The following HGS variants were observed in gnomAD, a reference collection of about 807,000 sequenced individuals.
HGS encodes the protein human growth factor-regulated tyrosine kinase substrate.
A neutral mutation model predicts 109.7 loss-of-function variants in HGS; 63 were observed. The ratio of observed to expected loss-of-function variants is 0.57; its 90% confidence interval spans 0.47 to 0.71. The LOEUF is 0.71. HGS is among the 30% of genes least tolerant of loss of function. HGS has a pLI of 0.00. For missense variants in HGS, 995 were observed against 1,068.3 expected, an observed-to-expected ratio of 0.93 and a Z score of 0.96; for synonymous variants, 546 against 437.3, an observed-to-expected ratio of 1.25 and a Z score of -3.10.
rs775940039 is a variant in HGS, at chr17:81,693,547, A to C, written c.707A>C (p.Glu236Ala). ...ACTTCCACCACTGAGCTGCCCCCCGAGTACCTGACCAGCCCCCTGTCTCAG... is the reference window on the plus strand; with the variant it reads ...ACTTCCACCACTGAGCTGCCCCCCGCGTACCTGACCAGCCCCCTGTCTCAG... The part of the protein sequence containing the change: ...KATSTTELPP[E>A]YLTSPLSQQS... The change falls in exon 9 of 22, where the codon GAG becomes GCG. Residue 236 changes from glutamate (E) to alanine (A), a missense_variant. Physicochemically the swap from Glu to Ala is moderately radical, Grantham distance 107 (BLOSUM62 -1). Coordinates refer to ENST00000329138, the MANE Select transcript of HGS (RefSeq NM_004712.5). 1.7e-5 allele frequency: 27 copies of C among 1,612,690 alleles called. No individual in the cohort carries two copies. The Middle Eastern group carries it at 1.8e-3, about 108-fold the overall frequency.
At chr17:81,685,800 T>C (rs994586629) in intron 2 of HGS, 111 bp downstream of exon 2, 7 of 715,528 alleles carry the variant, frequency 9.8e-6, no homozygotes, top group African/African-American at 5.3e-5. Flanking sequence ...TAGGCTCTTA[T>C]GTGGAGAACT....
intron 18 of HGS, 38 bp downstream of exon 18, chr17:81,697,036 C>T (rs1230581147): frequency 6.6e-7 from 1 of 1,504,202 alleles, no homozygotes; most frequent in Non-Finnish European, 8.9e-7. Flanking sequence ...GCCTTTTATC[C>T]CTCGTCTTTA....
Position 81,696,910 on chromosome 17 carries a change from G to A in HGS, c.1794G>A (p.Ser598=), listed in dbSNP as rs748519246. ...SFPSTFSPAG[S]VEGSPMHGVY... The stretch of plus-strand genomic sequence containing the variant: ...CCAGCACCTTCAGCCCTGCCGGCTC[G>A]GTGGAGGGCTCCCCAATGCACGGCG... Residue 598 remains serine (S), a synonymous_variant, in exon 18 of 22, where the codon TCG becomes TCA. Coordinates refer to ENST00000329138, the MANE Select transcript of HGS (RefSeq NM_004712.5). The A allele has an allele frequency of 4.9e-5, 79 of 1,608,682 alleles. No individual in the cohort carries two copies. Among genetic ancestry groups the A allele is most frequent in the African/African-American group, 6.7e-5 (5 of 74,920 alleles).
At chr17:81,684,972 T>A in intron 1 of HGS, 9 of 985,330 alleles carry the variant, frequency 9.1e-6, no homozygotes, top group Non-Finnish European at 1.1e-5. Flanking sequence ...GCTTGTTAGA[T>A]CGTTTCTGTA....
Position 81,688,330 on chromosome 17 carries a change from G to A in HGS, c.292-374G>A, listed in dbSNP as rs528591129. Among the ~76,000 whole-genome samples, 11 of 151,942 alleles carry A rather than the reference G, an allele frequency of 7.2e-5. No homozygotes were observed. The South Asian group carries it at 1.0e-3, about 14-fold the overall frequency. On this transcript the variant is annotated intron_variant, in intron 4 of 21. Coordinates refer to ENST00000329138, the MANE Select transcript of HGS (RefSeq NM_004712.5). ...GAAGGAGGGGCGTGGCCAGAGCCCCGCAGTACCCCTGTGTTCTCAGCCCCA... is the reference window on the plus strand; with the variant it reads ...GAAGGAGGGGCGTGGCCAGAGCCCCACAGTACCCCTGTGTTCTCAGCCCCA...
Position 81,695,726 on chromosome 17 carries a change from C to T in HGS, c.1180-60C>T, listed in dbSNP as rs563624670. 10 of 1,530,644 alleles carry T rather than the reference C, an allele frequency of 6.5e-6. No individual in the cohort carries two copies. In the South Asian group the frequency reaches 1.0e-4, roughly 15 times the overall value. 94.8% of individuals were successfully genotyped at this position (1,530,644 alleles called of 1,614,324 possible). A position where few individuals can be genotyped will look rare whatever the true frequency, so the allele number is the denominator to read the frequency against. On this transcript the variant is annotated intron_variant, in intron 14 of 21. Coordinates refer to ENST00000329138, the MANE Select transcript of HGS (RefSeq NM_004712.5). ...TAGCTGGGTGCCTCCATCCCAGGCC[C>T]CACCAGGGAGGCTGGCTGGGGCGTG...
Position 81,696,951 on chromosome 17 carries a change from C to A in HGS, c.1835C>A (p.Pro612Gln). ...ATGCACGGCGTGTACATGAGCCAGC[C>A]GGCCCCTGCCGCTGGCCCCTACCCC... The part of the protein sequence containing the change: ...SPMHGVYMSQ[P>Q]APAAGPYPSM... Residue 612 changes from proline (P) to glutamine (Q), a missense_variant, in exon 18 of 22, where the codon CCG becomes CAG. By Grantham distance (76) the Pro-to-Gln change is moderately conservative (BLOSUM62 -1). Transcript: ENST00000329138. 3 of 1,603,116 alleles carry A rather than the reference C, an allele frequency of 1.9e-6. No individual in the cohort carries two copies. Among genetic ancestry groups the A allele is most frequent in the Non-Finnish European group, 2.5e-6 (3 of 1,178,276 alleles).
In HGS at chr17:81,690,224, C is replaced by T. The variant is rs2037042095; in HGVS notation, c.458C>T (p.Ala153Val). ...PEFKESDAMF[A>V]AERAPDWVDA... The stretch of plus-strand genomic sequence containing the variant: ...TTCAAAGAGAGCGATGCCATGTTTG[C>T]TGCCGAGAGAGTGAGTGTGGGCGGC... Residue 153 changes from alanine (A) to valine (V), a missense_variant, in exon 6 of 22, where the codon GCT (alanine) becomes GTT (valine). Around this residue, in one of 6 missense-constraint regions of HGS, gnomAD observed 182 missense variants for 261.3 expected, o/e 0.70. Transcript: ENST00000329138. The T allele has an allele frequency of 1.2e-6, 2 of 1,613,864 alleles. No individual in the cohort carries two copies. The highest frequency in any genetic ancestry group is 1.7e-5 in the Admixed American group (1 of 60,010).
Position 81,695,795 on chromosome 17 carries a change from C to A in HGS, c.1189C>A (p.His397Asn). 1 of 1,613,428 alleles carries A rather than the reference C, an allele frequency of 6.2e-7. No individual in the cohort carries two copies. The highest frequency in any genetic ancestry group is 8.5e-7 in the Non-Finnish European group (1 of 1,180,002). ...CCTGCTCTGCCTGCAGCCACAGTTCCACAATGGCGAGTCTGAGGAGAGCCA... is the reference window on the plus strand; with the variant it reads ...CCTGCTCTGCCTGCAGCCACAGTTCAACAATGGCGAGTCTGAGGAGAGCCA... ...SGGPFSEPQFHNGESEESHEQ... is the reference protein window; with the variant it reads ...SGGPFSEPQFNNGESEESHEQ... The change falls in exon 15 of 22, where the codon CAC (histidine) becomes AAC (asparagine). Residue 397 changes from histidine (H) to asparagine (N), a missense_variant. Physicochemically the swap from His to Asn is moderately conservative, Grantham distance 68. This residue lies in a region of HGS where 300 missense variants were observed against 235.4 expected (regional missense o/e 1.27). Coordinates refer to ENST00000329138, the MANE Select transcript of HGS (RefSeq NM_004712.5).
At chr17:81,696,570 GA>G in intron 16 of HGS, 36 bp from the exon 17 acceptor site, 1 of 1,557,628 alleles carries the variant, frequency 6.4e-7, no homozygotes, top group South Asian at 1.2e-5. Context: ...CCGGCTGGGG[GA>G]CCTCGCAGCA....
rs2037188752 is a variant in HGS, at chr17:81,698,539, C to T, written c.1882+1541C>T. Among the ~76,000 whole-genome samples the T allele has an allele frequency of 2.0e-5, 3 of 152,274 alleles. No individual in the cohort carries two copies. The South Asian group carries it at 6.2e-4, about 32-fold the overall frequency. Reference sequence around the variant, plus strand: ...TCCTGAGTTTCTGTTGCTAGATACTCTGTGCTCGTCTTGTATGTTCTCAAC... The same window carrying T: ...TCCTGAGTTTCTGTTGCTAGATACTTTGTGCTCGTCTTGTATGTTCTCAAC... On this transcript the variant is annotated intron_variant, in intron 18 of 21. Coordinates refer to ENST00000329138, the MANE Select transcript of HGS (RefSeq NM_004712.5).
At position 81,701,722 on chromosome 17, in the gene HGS, T is replaced by G. The variant is rs781006210; in HGVS notation, c.*104T>G. ...CCTCCCTGTCCTCTACTGCCGGTAG[T>G]GTCCCTTCTCTGCGAGTGAGGGGGG... is the stretch of plus-strand genomic sequence containing the variant. On this transcript the variant is annotated 3_prime_UTR_variant, in exon 22 of 22. Coordinates refer to ENST00000329138, the MANE Select transcript of HGS (RefSeq NM_004712.5). The G allele has an allele frequency of 1.4e-6, 2 of 1,454,164 alleles. No homozygotes were observed. The highest frequency in any genetic ancestry group is 1.8e-6 in the Non-Finnish European group (2 of 1,097,232). The allele number at this position is 1,454,164 out of a possible 1,614,324, so 90.1% of individuals were successfully genotyped here. A position where few individuals can be genotyped will look rare whatever the true frequency, so the allele number is the denominator to read the frequency against.
chr17:81,693,656 G>GC lies in HGS; in HGVS notation c.750dup (p.Lys251GlnfsTer70). On this transcript the variant is annotated frameshift_variant, in exon 10 of 22. Transcript: ENST00000329138. LOFTEE classifies it high-confidence loss of function. ...TCACCCTCCCCGCTTGTCCTCAGCT[G>GC]CCCCCCAAGAGGGACGAGACGGCCC... The GC allele has an allele frequency of 6.5e-7, 1 of 1,548,038 alleles. No individual in the cohort carries two copies. The highest frequency in any genetic ancestry group is 8.7e-7 in the Non-Finnish European group (1 of 1,143,892).
At chr17:81,690,324 G>C (rs2037043854) in intron 6 of HGS, 90 bp downstream of exon 6, 1 of 1,342,698 alleles carries the variant, frequency 7.4e-7, no homozygotes, top group South Asian at 1.2e-5. Context: ...TTTGAGGGTT[G>C]GTGGCTGAGC....
At position 81,696,366 on chromosome 17, in the gene HGS, A is replaced by G; in HGVS notation, c.1403A>G (p.Glu468Gly). ...NQLDERRLYY[E>G]GLQDKLAQIR... ...TGTCATCTGCCCACAGTGTACTATGAGGGGCTGCAGGACAAGCTGGCACAG... is the reference window on the plus strand; with the variant it reads ...TGTCATCTGCCCACAGTGTACTATGGGGGGCTGCAGGACAAGCTGGCACAG... The change falls in exon 16 of 22, where the codon GAG becomes GGG. Residue 468 changes from glutamate to glycine, a missense_variant. By Grantham distance (98) the Glu-to-Gly change is moderately conservative. This residue lies in a region of HGS where 163 missense variants were observed against 217.8 expected (regional missense o/e 0.75). Coordinates refer to ENST00000329138, the MANE Select transcript of HGS (RefSeq NM_004712.5). The G allele has an allele frequency of 6.3e-7, 1 of 1,584,060 alleles. No individual in the cohort carries two copies. The highest frequency in any genetic ancestry group is 8.6e-7 in the Non-Finnish European group (1 of 1,167,848).
At chr17:81,684,584 G>A (rs1195159486) in intron 1 of HGS, 1 of 157,736 alleles carries the variant, frequency 6.3e-6, no homozygotes, top group East Asian at 1.8e-4. Context: ...CCCACCTTTT[G>A]TTCCCACACT....
Position 81,691,075 on chromosome 17 carries a change from G to A in HGS, c.537+333G>A, listed in dbSNP as rs559888440. 16 of 442,508 alleles carry A rather than the reference G, an allele frequency of 3.6e-5. No individual in the cohort carries two copies. Among genetic ancestry groups the A allele is most frequent in the African/African-American group, 9.9e-5 (5 of 50,736 alleles). The allele number at this position is 442,508 out of a possible 1,614,324, so 27.4% of individuals were successfully genotyped here. A position where few individuals can be genotyped will look rare whatever the true frequency, so the allele number is the denominator to read the frequency against. On this transcript the variant is annotated intron_variant, in intron 7 of 21. Transcript: ENST00000329138. The surrounding 1 kb of genome is among the most constrained non-coding windows in gnomAD (Gnocchi z 5.3). ...TTAGCCCATCTGGATTCTTACCCTCGAGGCATCTTCACATCAAAACCCCCT... is the reference window on the plus strand; with the variant it reads ...TTAGCCCATCTGGATTCTTACCCTCAAGGCATCTTCACATCAAAACCCCCT...
rs531209969 is a variant in HGS at position 81,684,813 on chromosome 17, G to A, written c.37+710G>A. The A allele has an allele frequency of 6.2e-5, 47 of 755,538 alleles. No homozygotes were observed. In the African/African-American group the frequency reaches 8.3e-4, roughly 13 times the overall value. 46.8% of individuals were successfully genotyped at this position (755,538 alleles called of 1,614,324 possible). ...CCAAGCTTGCCTTTTTGTCAAGTAG[G>A]GTTTTCAAGGAGACTTCAAGTGAGA... is the stretch of plus-strand genomic sequence containing the variant. On this transcript the variant is annotated intron_variant, in intron 1 of 21. Coordinates refer to ENST00000329138, the MANE Select transcript of HGS (RefSeq NM_004712.5).
intron 5 of HGS, among the ~76,000 whole-genome samples, 199 bp downstream of exon 5, chr17:81,689,026 C>T (rs889005080): frequency 2.6e-5 from 4 of 152,216 alleles, no homozygotes; most frequent in Admixed American, 6.5e-5. Flanking sequence ...GGACCCACGG[C>T]CCACGGGCAG....
Sources: gnomAD v4.1 joint callset for allele counts (sites outside exome capture counted in the v4.1 genomes callset) on GRCh38, gnomAD v4.1.1 for gene constraint, gnomAD v4.1.1 regional missense constraint, Gnocchi (gnomAD v3.1) non-coding constraint, MANE v1.5 for transcripts, NCBI Gene and HGNC (gene_info 2026-07-23, HGNC 2026-07-21) for gene names.